CACNA1D: variants seen among roughly 807,000 people sequenced by gnomAD.
The protein encoded by CACNA1D is voltage-dependent L-type calcium channel subunit alpha-1D.
CACNA1D carries 55 observed loss-of-function variants against 257.1 expected under a neutral mutation model. The observed-to-expected ratio is 0.21, with a 90% CI of 0.17 to 0.27. The LOEUF (loss-of-function observed/expected upper bound fraction) is 0.27, where lower values mean the gene tolerates loss of function less well. Among genes scored for constraint, CACNA1D ranks in the 10% least tolerant of loss-of-function variants. The pLI, the probability that CACNA1D is intolerant of heterozygous loss-of-function variation, is 1.00. For synonymous variants in CACNA1D, 980 were observed against 1,014.9 expected (o/e 0.97, Z 0.65); for missense variants, 1,876 against 2,784.0 (o/e 0.67, Z 7.34).
intron 27 of CACNA1D, among the ~76,000 whole-genome samples, chr3:53,750,558 C>G (rs966966008): frequency 6.6e-6 from 1 of 152,192 alleles, no homozygotes; most frequent in African/African-American, 2.4e-5. Flanking sequence ...GAAGATTTTC[C>G]TTTGAGTTGT....
intron 37 of CACNA1D, among the ~76,000 whole-genome samples, 191 bp from the exon 38 acceptor site, chr3:53,779,835 T>G (rs906683911): frequency 2.6e-5 from 4 of 152,048 alleles, no homozygotes; most frequent in African/African-American, 9.7e-5. Flanking sequence ...TTTAACCAAA[T>G]TGGCATCTCG....
chr3:53,705,372 A>G (rs1475396152), intron 9 of CACNA1D, among the ~76,000 whole-genome samples: 1 of 152,138 alleles, frequency 6.6e-6, no homozygotes, highest in Non-Finnish European at 1.5e-5. Flanking sequence ...ATAATCTAGG[A>G]AAGAAACAAA....
intron 37 of CACNA1D, among the ~76,000 whole-genome samples, chr3:53,778,104 T>C (rs2095407620): frequency 1.3e-5 from 2 of 152,126 alleles, no homozygotes; most frequent in Admixed American, 6.5e-5. Context: ...AGACTCATGT[T>C]CCCTGCCCTG....
chr3:53,541,516 C>G (rs1367226114), intron 3 of CACNA1D, among the ~76,000 whole-genome samples: 2 of 152,156 alleles, frequency 1.3e-5, no homozygotes, highest in Non-Finnish European at 2.9e-5. Flanking sequence ...GAAGCCTGTT[C>G]TAGTGACTGT....
At chr3:53,603,769 C>A (rs1267267174) in intron 3 of CACNA1D, among the ~76,000 whole-genome samples, 1 of 152,188 alleles carries the variant, frequency 6.6e-6, no homozygotes, top group Non-Finnish European at 1.5e-5. Flanking sequence ...CCCTGGGGAA[C>A]TTCAAAATCC....
Position 53,774,715 on chromosome 3 carries a change from G to C in CACNA1D, c.4202+37G>C, listed in dbSNP as rs751479571. 29 of 1,262,130 alleles carry C rather than the reference G, an allele frequency of 2.3e-5. No individual in the cohort carries two copies. Among genetic ancestry groups the C allele is most frequent in the South Asian group, 1.9e-4 (16 of 84,076 alleles). 78.2% of individuals were successfully genotyped at this position (1,262,130 alleles called of 1,614,324 possible). A position where few individuals can be genotyped will look rare whatever the true frequency, so the allele number is the denominator to read the frequency against. ...TGGCTTGGGCGGTGCTCCTGGGCAGGGGGGTCCGCTAGGCGTGGGTCCAGA... is the reference window on the plus strand; with the variant it reads ...TGGCTTGGGCGGTGCTCCTGGGCAGCGGGGTCCGCTAGGCGTGGGTCCAGA... On this transcript the variant is annotated intron_variant, in intron 34 of 47. Transcript: ENST00000350061. This position sits in a 1 kb window ranked among gnomAD's most constrained non-coding sequence, Gnocchi z 4.3.
rs1209404228 is a variant in CACNA1D, at chr3:53,723,609, G to A, written c.1842G>A (p.Gly614=). 3.1e-6 allele frequency: 5 copies of A among 1,614,018 alleles called. No individual in the cohort carries two copies. Among genetic ancestry groups the A allele is most frequent in the African/African-American group, 2.7e-5 (2 of 74,904 alleles). ...LVELEIMSPL[G]ISVFRCVRLL... is the part of the protein sequence containing the mutation. Reference sequence around the variant, plus strand: ...AACTGGAAATCATGTCTCCCCTGGGGATCTCTGTGTTTCGGTGTGTGCGCC... The same window carrying A: ...AACTGGAAATCATGTCTCCCCTGGGAATCTCTGTGTTTCGGTGTGTGCGCC... Residue 614 remains glycine, a synonymous_variant, in exon 13 of 48, where the codon GGG becomes GGA. Coordinates refer to ENST00000350061, the MANE Select transcript of CACNA1D (RefSeq NM_001128840.3). This position sits in a 1 kb window ranked among gnomAD's most constrained non-coding sequence, Gnocchi z 5.6.
At chr3:53,727,641 C>G (rs545476510) in intron 15 of CACNA1D, among the ~76,000 whole-genome samples, 3 of 152,238 alleles carry the variant, frequency 2.0e-5, no homozygotes, top group South Asian at 2.1e-4. Context: ...GATCCTATAG[C>G]CTTTGGTTCT....
chr3:53,621,211 T>C (rs2093693540), intron 3 of CACNA1D, among the ~76,000 whole-genome samples: 1 of 151,932 alleles, frequency 6.6e-6, no homozygotes, highest in Non-Finnish European at 1.5e-5. Context: ...GGGATGCAGC[T>C]CCCTCAGCTT....
At chr3:53,678,352 T>G (rs2094395880) in intron 8 of CACNA1D, among the ~76,000 whole-genome samples, 1 of 152,194 alleles carries the variant, frequency 6.6e-6, no homozygotes. Context: ...TTAAACCCAC[T>G]CTTATGACAT....
At position 53,588,665 on chromosome 3, in the gene CACNA1D, C is replaced by T. The variant is rs530842580; in HGVS notation, c.484-62114C>T. On this transcript the variant is annotated intron_variant, in intron 3 of 47. Transcript: ENST00000350061. ...GCAAAGGCCCTGGTGAGGATGTGTCCAGCACTACAGGACTGGCTAGCTGCT... is the reference window on the plus strand; with the variant it reads ...GCAAAGGCCCTGGTGAGGATGTGTCTAGCACTACAGGACTGGCTAGCTGCT... Among the ~76,000 whole-genome samples the T allele has an allele frequency of 2.0e-5, 3 of 152,238 alleles. No homozygotes were observed. The South Asian group carries it at 6.2e-4, about 32-fold the overall frequency.
chr3:53,707,650 T>C (rs1385182371), intron 9 of CACNA1D, among the ~76,000 whole-genome samples: 1 of 152,224 alleles, frequency 6.6e-6, no homozygotes, highest in Admixed American at 6.5e-5. Context: ...TTCAAGTTTC[T>C]TAAGAAACCC....
chr3:53,595,238 G>T (rs540033210), intron 3 of CACNA1D, among the ~76,000 whole-genome samples: 2 of 152,314 alleles, frequency 1.3e-5, no homozygotes, highest in East Asian at 1.9e-4. Context: ...CAGCTCAGCC[G>T]GCTTGTTTTC....
rs7623599 is a variant in CACNA1D, at chr3:53,638,185, C to G, written c.484-12594C>G. On this transcript the variant is annotated intron_variant, in intron 3 of 47. Coordinates refer to ENST00000350061, the MANE Select transcript of CACNA1D (RefSeq NM_001128840.3). ...GAATGGAGTTGGGGTAAGATTGGGC[C>G]TGGGGATCTGGGCCCTCTTTCACCT... Among the ~76,000 whole-genome samples the G allele has an allele frequency of 3.3e-3, 507 of 152,262 alleles. 2 individuals are homozygous for G. Among genetic ancestry groups the G allele is most frequent in the African/African-American group, 0.011 (447 of 41,536 alleles).
Position 53,779,495 on chromosome 3 carries a change from G to A in CACNA1D, c.4588-531G>A, listed in dbSNP as rs115497154. Reference sequence around the variant, plus strand: ...GGTTTATCATGGGGAATTGGCTCACGTGATCATGGAGGCTGGGAAGCCCCA... The same window carrying A: ...GGTTTATCATGGGGAATTGGCTCACATGATCATGGAGGCTGGGAAGCCCCA... On this transcript the variant is annotated intron_variant, in intron 37 of 47. Coordinates refer to ENST00000350061, the MANE Select transcript of CACNA1D (RefSeq NM_001128840.3). 8.5e-3 allele frequency among the ~76,000 whole-genome samples: 1,301 copies of A among 152,170 alleles called. 21 individuals carry two copies. The highest frequency in any genetic ancestry group is 0.029 in the African/African-American group (1,196 of 41,506).
chr3:53,772,752 A>G (rs1210303457), intron 32 of CACNA1D, 81 bp from the exon 33 acceptor site: 3 of 971,930 alleles, frequency 3.1e-6, no homozygotes, highest in African/African-American at 1.6e-5. Flanking sequence ...GCATGTGGCC[A>G]CTCATGGGTC....
chr3:53,638,151 C>A (rs1259594857), intron 3 of CACNA1D, among the ~76,000 whole-genome samples: 1 of 152,200 alleles, frequency 6.6e-6, no homozygotes, highest in Non-Finnish European at 1.5e-5. Flanking sequence ...CATTCTTAGC[C>A]TTAGCAATGA....
At chr3:53,693,271 T>C (rs1436435864) in intron 8 of CACNA1D, among the ~76,000 whole-genome samples, 1 of 152,136 alleles carries the variant, frequency 6.6e-6, no homozygotes, top group Non-Finnish European at 1.5e-5. Context: ...TATGGGGTGC[T>C]GTATTCCTAA....
At chr3:53,693,568 T>C (rs773302475) in intron 8 of CACNA1D, among the ~76,000 whole-genome samples, 1 of 152,000 alleles carries the variant, frequency 6.6e-6, no homozygotes, top group African/African-American at 2.4e-5. Context: ...TGAATCAAAC[T>C]ACATTTGCAT....
Sources: gnomAD v4.1 joint callset for allele counts (sites outside exome capture counted in the v4.1 genomes callset) on GRCh38, gnomAD v4.1.1 for gene constraint, Gnocchi (gnomAD v3.1) non-coding constraint, MANE v1.5 for transcripts, NCBI Gene and HGNC (gene_info 2026-07-23, HGNC 2026-07-21) for gene names.